EPHA6: variants seen among roughly 807,000 people sequenced by gnomAD.
EPHA6 encodes EPH receptor A6, also known as ephrin type-A receptor 6.
EPHA6 carries 50 observed loss-of-function variants against 112.0 expected under a neutral mutation model. That is an observed-to-expected ratio of 0.45 (90% confidence interval 0.36 to 0.56). The LOEUF (loss-of-function observed/expected upper bound fraction) is 0.56, where lower values mean the gene tolerates loss of function less well. Ranked by LOEUF, EPHA6 falls within the 20% of genes least tolerant of loss-of-function variation. The probability of loss-of-function intolerance (pLI) is 0.00; values close to 1 mark genes in which losing one functional copy is unlikely to be tolerated. For missense variants in EPHA6, 1,280 were observed against 1,417.4 expected (o/e 0.90, Z 1.56); for synonymous variants, 529 against 490.7 (o/e 1.08, Z -1.03).
chr3:97,449,491 T>C (rs1158904258), intron 7 of EPHA6, among the ~76,000 whole-genome samples: 1 of 152,102 alleles, frequency 6.6e-6, no homozygotes, highest in African/African-American at 2.4e-5. Flanking sequence ...GTAAATTTAT[T>C]ATAGTAATTC....
chr3:96,872,234 G>C (rs1158253726), intron 2 of EPHA6, among the ~76,000 whole-genome samples: 2 of 152,052 alleles, frequency 1.3e-5, no homozygotes, highest in Admixed American at 1.3e-4. Context: ...TGCAAAGCCA[G>C]CGTTTGTTTC....
intron 14 of EPHA6, among the ~76,000 whole-genome samples, chr3:97,671,351 A>G (rs2030803387): frequency 6.6e-6 from 1 of 152,098 alleles, no homozygotes; most frequent in African/African-American, 2.4e-5. Context: ...GGGGACAGGG[A>G]AGGGGAATAA....
chr3:97,003,399 C>T (rs1467079254), intron 3 of EPHA6, among the ~76,000 whole-genome samples: 1 of 152,074 alleles, frequency 6.6e-6, no homozygotes, highest in African/African-American at 2.4e-5. Flanking sequence ...AATTTCTTAA[C>T]TAAGCCCCAG....
chr3:97,167,379 CTTAA>C (rs1316174941), intron 3 of EPHA6, among the ~76,000 whole-genome samples: 1,973 of 152,200 alleles, frequency 0.013, 29 homozygotes, highest in African/African-American at 0.044. Flanking sequence ...CCAGCTTCCT[CTTAA>C]TGAAGTCTCA....
intron 3 of EPHA6, among the ~76,000 whole-genome samples, chr3:97,149,109 T>C (rs1433782726): frequency 6.6e-6 from 1 of 152,122 alleles, no homozygotes; most frequent in Non-Finnish European, 1.5e-5. Flanking sequence ...CTTCATGCTG[T>C]GAATTTAGAA....
chr3:97,623,958 TTC>T (rs1160177295), intron 13 of EPHA6, among the ~76,000 whole-genome samples: 1 of 151,648 alleles, frequency 6.6e-6, no homozygotes, highest in Admixed American at 6.6e-5. Flanking sequence ...AGCTTTGCTC[TTC>T]TCTGTTGGTT....
chr3:97,503,551 A>T (rs1345772751), intron 10 of EPHA6, among the ~76,000 whole-genome samples: 9 of 152,328 alleles, frequency 5.9e-5, no homozygotes, highest in Non-Finnish European at 1.2e-4. Flanking sequence ...AACTGGTACT[A>T]AACAGTCAGA....
chr3:97,382,923 G>A (rs774087813), intron 5 of EPHA6, among the ~76,000 whole-genome samples: 2 of 151,960 alleles, frequency 1.3e-5, no homozygotes, highest in Non-Finnish European at 2.9e-5. Context: ...AAGGTAGCAA[G>A]ATGTCATCTA....
At chr3:97,312,553 A>T (rs1249088610) in intron 5 of EPHA6, among the ~76,000 whole-genome samples, 1 of 151,550 alleles carries the variant, frequency 6.6e-6, no homozygotes, top group Non-Finnish European at 1.5e-5. Flanking sequence ...TCAAAATCTA[A>T]AGAAGTCTGA....
At chr3:97,333,359 A>T (rs1199356433) in intron 5 of EPHA6, among the ~76,000 whole-genome samples, 4 of 140,522 alleles carry the variant, frequency 2.8e-5, no homozygotes, top group African/African-American at 1.1e-4. Flanking sequence ...TTAGGGGTTT[A>T]TTTTTGTTTT....
intron 5 of EPHA6, among the ~76,000 whole-genome samples, chr3:97,309,029 G>A: frequency 6.6e-6 from 1 of 151,660 alleles, no homozygotes; most frequent in East Asian, 1.9e-4. Context: ...CAAAACAACT[G>A]CATAATAACA....
intron 3 of EPHA6, among the ~76,000 whole-genome samples, chr3:97,100,543 T>C (rs966684818): frequency 6.6e-6 from 1 of 151,944 alleles, no homozygotes; most frequent in Non-Finnish European, 1.5e-5. Flanking sequence ...AGCTCTTTAG[T>C]ACTAAGACTG....
At chr3:96,922,753 A>G (rs2039835374) in intron 2 of EPHA6, among the ~76,000 whole-genome samples, 1 of 151,980 alleles carries the variant, frequency 6.6e-6, no homozygotes, top group African/African-American at 2.4e-5. Context: ...CCCATCACCT[A>G]TGTATTAAGC....
At chr3:97,665,244 G>T (rs966261233) in intron 14 of EPHA6, among the ~76,000 whole-genome samples, 2 of 152,156 alleles carry the variant, frequency 1.3e-5, no homozygotes, top group African/African-American at 4.8e-5. Flanking sequence ...AACAAATGGT[G>T]CTGGGAAAAC....
intron 2 of EPHA6, among the ~76,000 whole-genome samples, chr3:96,947,933 A>C (rs917544473): frequency 3.9e-5 from 6 of 152,150 alleles, no homozygotes; most frequent in Non-Finnish European, 7.4e-5. Flanking sequence ...GAGAGCCTGC[A>C]TTGCCAAGAC....
At chr3:97,443,984 CTTGTT>C in intron 6 of EPHA6, among the ~76,000 whole-genome samples, 1 of 152,182 alleles carries the variant, frequency 6.6e-6, no homozygotes, top group African/African-American at 2.4e-5. Context: ...AGTTGTGTGA[CTTGTT>C]TTGCTAATTT....
chr3:97,613,126 T>C (rs916745673), intron 13 of EPHA6, among the ~76,000 whole-genome samples: 1 of 152,134 alleles, frequency 6.6e-6, no homozygotes, highest in Non-Finnish European at 1.5e-5. Context: ...TCTTCTTTAA[T>C]GTTCTTACCC....
chr3:96,972,396 G>A lies in EPHA6; in HGVS notation c.451-14934G>A, dbSNP rs113281874. Reference sequence around the variant, plus strand: ...AAATCAATACAGAAAAGGGAAGAGAGGAAAGAGATTTCAGAAACACACACA... The same window carrying A: ...AAATCAATACAGAAAAGGGAAGAGAAGAAAGAGATTTCAGAAACACACACA... On this transcript the variant is annotated intron_variant, in intron 2 of 17. Coordinates refer to ENST00000389672, the MANE Select transcript of EPHA6 (RefSeq NM_001080448.3). 5.2e-3 allele frequency among the ~76,000 whole-genome samples: 762 copies of A among 146,788 alleles called. 7 individuals carry two copies. The highest frequency in any genetic ancestry group is 0.018 in the African/African-American group (690 of 39,258).
rs1401770743 is a variant in EPHA6, at chr3:96,901,378, A to G, written c.450+34489A>G. Among the ~76,000 whole-genome samples the G allele has an allele frequency of 3.3e-5, 5 of 152,054 alleles. No homozygotes were observed. The South Asian group carries it at 1.0e-3, about 32-fold the overall frequency. Reference sequence around the variant, plus strand: ...ATAATATACATACAATCAAAGAAATATATTTTGTCATTGCCTTCCAACTGG... The same window carrying G: ...ATAATATACATACAATCAAAGAAATGTATTTTGTCATTGCCTTCCAACTGG... On this transcript the variant is annotated intron_variant, in intron 2 of 17. Transcript: ENST00000389672.
Sources: allele counts gnomAD v4.1 joint callset (sites outside exome capture counted in the v4.1 genomes callset), GRCh38; gene constraint gnomAD v4.1.1; transcripts MANE v1.5; gene names NCBI Gene and HGNC (gene_info 2026-07-23, HGNC 2026-07-21).